PATJ: variants seen among roughly 807,000 people sequenced by gnomAD.
The protein encoded by PATJ is inaD-like protein.
Under a neutral mutation model 224.9 loss-of-function variants are expected in PATJ, and 190 were observed. That is an observed-to-expected ratio of 0.84 (90% CI 0.75 to 0.95). The LOEUF is 0.95. Ranked by LOEUF, PATJ falls within the 40% of genes least tolerant of loss-of-function variation. The probability of loss-of-function intolerance (pLI) is 0.00; values close to 1 mark genes in which losing one functional copy is unlikely to be tolerated. For missense variants in PATJ, 2,121 were observed against 2,270.3 expected, an observed-to-expected ratio of 0.93 and a Z score of 1.34; for synonymous variants, 769 against 820.3, an observed-to-expected ratio of 0.94 and a Z score of 1.07.
chr1:62,154,228 TA>T (rs1369622981), intron 43 of PATJ, among the ~76,000 whole-genome samples: 6 of 152,164 alleles, frequency 3.9e-5, no homozygotes, highest in African/African-American at 1.4e-4. Flanking sequence ...CTGATTTTTT[TA>T]ATTGGAATTT....
At chr1:61,938,953 T>C (rs1677316828) in intron 27 of PATJ, among the ~76,000 whole-genome samples, 1 of 151,382 alleles carries the variant, frequency 6.6e-6, no homozygotes, top group Non-Finnish European at 1.5e-5. Flanking sequence ...ACACCGTCTC[T>C]ACTAAATATA....
intron 27 of PATJ, among the ~76,000 whole-genome samples, chr1:61,942,934 C>T (rs965534006): frequency 6.6e-6 from 1 of 152,184 alleles, no homozygotes; most frequent in Non-Finnish European, 1.5e-5. Flanking sequence ...GAAATGACAA[C>T]ATGTGTCCAC....
chr1:61,924,062 T>C (rs1028619876), intron 26 of PATJ, among the ~76,000 whole-genome samples: 1 of 151,494 alleles, frequency 6.6e-6, no homozygotes, highest in African/African-American at 2.4e-5. Context: ...AGTGAAAGAA[T>C]AGGCAATCAG....
intron 28 of PATJ, among the ~76,000 whole-genome samples, chr1:62,007,336 T>G (rs1241931076): frequency 6.6e-6 from 1 of 152,228 alleles, no homozygotes; most frequent in Non-Finnish European, 1.5e-5. Context: ...GCCCACTTTG[T>G]CAGTAATCAG....
chr1:61,817,632 G>A (rs1338068179), intron 14 of PATJ, among the ~76,000 whole-genome samples: 2 of 152,144 alleles, frequency 1.3e-5, no homozygotes, highest in African/African-American at 4.8e-5. Flanking sequence ...TTGCACTCCC[G>A]CCTGGGCAAC....
intron 27 of PATJ, among the ~76,000 whole-genome samples, chr1:61,959,399 C>CTA (rs1330820970): frequency 2.8e-4 from 40 of 143,714 alleles, no homozygotes; most frequent in African/African-American, 9.5e-4. Context: ...CTCCCACTGC[C>CTA]TATATATATA....
At chr1:61,941,872 G>A (rs1215786794) in intron 27 of PATJ, among the ~76,000 whole-genome samples, 4 of 152,188 alleles carry the variant, frequency 2.6e-5, no homozygotes, top group Admixed American at 6.5e-5. Flanking sequence ...CACTGAAAGA[G>A]ATTTTTCACT....
intron 33 of PATJ, among the ~76,000 whole-genome samples, chr1:62,097,935 A>T (rs1661591466): frequency 6.6e-6 from 1 of 152,208 alleles, no homozygotes; most frequent in Non-Finnish European, 1.5e-5. Context: ...ATTTGGGTTC[A>T]TAGAGGCCTA....
At chr1:61,877,474 G>T (rs1667490005) in intron 21 of PATJ, among the ~76,000 whole-genome samples, 1 of 151,828 alleles carries the variant, frequency 6.6e-6, no homozygotes, top group Admixed American at 6.6e-5. Flanking sequence ...TCCTAGTATT[G>T]GGGAAGGGAC....
At chr1:61,982,597 T>A (rs112483909) in intron 27 of PATJ, among the ~76,000 whole-genome samples, 15 of 152,214 alleles carry the variant, frequency 9.9e-5, no homozygotes, top group African/African-American at 3.6e-4. Context: ...ATTCTGACGA[T>A]AGCTTCTTAA....
At chr1:62,158,402 G>C (rs1422540894) in intron 43 of PATJ, among the ~76,000 whole-genome samples, 1 of 148,596 alleles carries the variant, frequency 6.7e-6, no homozygotes, top group Non-Finnish European at 1.5e-5. Flanking sequence ...GGAGGCTGAG[G>C]CAGGTGGATC....
rs1299941547 is a variant in PATJ, at chr1:62,017,856, A to G, written c.3868A>G (p.Ile1290Val). 1.6e-5 allele frequency: 25 copies of G among 1,586,502 alleles called. No homozygotes were observed. Among genetic ancestry groups the G allele is most frequent in the Non-Finnish European group, 2.2e-5 (25 of 1,155,458 alleles). The change falls in exon 29 of 44, where the codon ATA (isoleucine) becomes GTA (valine). Residue 1290 changes from isoleucine (I) to valine (V), a missense_variant and splice_region_variant. Physicochemically the swap from Ile to Val is conservative, Grantham distance 29. Transcript: ENST00000642238. ...GTACATTGTGGTTTTTCCCAAACAG[A>G]TAAACAATCAGATTCTGTATGGAAG... ...RMRIGDELLE[I>V]NNQILYGRSH... is the part of the protein sequence containing the mutation.
In PATJ at chr1:62,075,640, C is replaced by T. The variant is rs897559390; in HGVS notation, c.4126-3810C>T. Reference sequence around the variant, plus strand: ...TCTCTAGAAAAACACTGACAAGGGCCGGGCGCAGTGGCTCACGCCTGTAAT... The same window carrying T: ...TCTCTAGAAAAACACTGACAAGGGCTGGGCGCAGTGGCTCACGCCTGTAAT... On this transcript the variant is annotated intron_variant, in intron 31 of 43. Transcript: ENST00000642238. 3.9e-5 allele frequency among the ~76,000 whole-genome samples: 6 copies of T among 152,042 alleles called. No individual in the cohort carries two copies. The East Asian group carries it at 7.8e-4, about 20-fold the overall frequency.
intron 40 of PATJ, chr1:62,128,443 A>T: frequency 3.6e-6 from 1 of 274,582 alleles, no homozygotes; most frequent in Non-Finnish European, 6.9e-6. Flanking sequence ...CATTTTTATG[A>T]TTTCTCCCCC....
intron 17 of PATJ, among the ~76,000 whole-genome samples, chr1:61,848,291 A>G (rs1490511910): frequency 6.6e-6 from 1 of 152,174 alleles, no homozygotes; most frequent in East Asian, 1.9e-4. Context: ...ACTCATCTTA[A>G]CACTAATGGG....
rs766327502 is a variant in PATJ, at chr1:62,051,049, C to T, written c.4116C>T (p.Ser1372=). 1.2e-6 allele frequency: 2 copies of T among 1,609,830 alleles called. No individual in the cohort carries two copies. Among genetic ancestry groups the T allele is most frequent in the Non-Finnish European group, 1.7e-6 (2 of 1,176,200 alleles). Residue 1372 remains serine, a synonymous_variant, in exon 31 of 44, where the codon AGC becomes AGT. Transcript: ENST00000642238. ...VGIKQLPESE[S]FKLAVSQMKQ... is the part of the protein sequence containing the mutation. ...TTAAACAATTGCCTGAAAGTGAAAG[C>T]TTCAAACTGGTGAGAATCTTGAGTA...
chr1:62,067,116 A>ATTCT (rs1200292417), intron 31 of PATJ, among the ~76,000 whole-genome samples: 2 of 131,908 alleles, frequency 1.5e-5, no homozygotes, highest in African/African-American at 6.4e-5. Context: ...CATAATTCCT[A>ATTCT]TTCTTTCTTT....
intron 27 of PATJ, among the ~76,000 whole-genome samples, chr1:61,970,382 A>C (rs779301670): frequency 6.6e-6 from 1 of 152,038 alleles, no homozygotes; most frequent in Non-Finnish European, 1.5e-5. Context: ...TTGACACGTC[A>C]TTATCACCGA....
intron 25 of PATJ, among the ~76,000 whole-genome samples, chr1:61,913,752 A>G (rs992639939): frequency 6.6e-6 from 1 of 152,226 alleles, no homozygotes; most frequent in Non-Finnish European, 1.5e-5. Flanking sequence ...TCCTTATGCT[A>G]ATAGTGATAG....
Sources: allele counts gnomAD v4.1 joint callset (sites outside exome capture counted in the v4.1 genomes callset), GRCh38; gene constraint gnomAD v4.1.1; transcripts MANE v1.5; gene names NCBI Gene and HGNC (gene_info 2026-07-23, HGNC 2026-07-21).